Variants in CUBN observed in about 807,000 individuals in gnomAD.
The protein encoded by CUBN is cubilin.
Under a neutral mutation model 405.3 loss-of-function variants are expected in CUBN, and 282 were observed. That is an observed-to-expected ratio of 0.70 (90% CI 0.63 to 0.77). CUBN has a LOEUF of 0.77. Ranked by LOEUF, CUBN falls within the 30% of genes least tolerant of loss-of-function variation. The pLI is 0.00. For missense variants in CUBN, 4,514 were observed against 4,475.2 expected (o/e 1.01, Z -0.25); for synonymous variants, 1,684 against 1,617.0 (o/e 1.04, Z -0.99).
intron 48 of CUBN, among the ~76,000 whole-genome samples, chr10:16,908,864 T>C (rs1458530979): frequency 6.7e-5 from 10 of 149,314 alleles, no homozygotes; most frequent in Non-Finnish European, 1.0e-4. Context: ...CAACAAAAGA[T>C]GTCATCTCTT....
At chr10:16,985,601 C>A (rs1331037589) in intron 29 of CUBN, among the ~76,000 whole-genome samples, 1 of 152,192 alleles carries the variant, frequency 6.6e-6, no homozygotes, top group African/African-American at 2.4e-5. Flanking sequence ...CTGTAGCCTG[C>A]CCATGAGGGC....
At chr10:17,054,025 A>G (rs1835329796) in intron 22 of CUBN, among the ~76,000 whole-genome samples, 1 of 152,072 alleles carries the variant, frequency 6.6e-6, no homozygotes, top group Admixed American at 6.6e-5. Context: ...AAGTTACTGA[A>G]AATAAAACAT....
At chr10:17,001,015 C>T (rs11597761) in intron 28 of CUBN, among the ~76,000 whole-genome samples, 21,452 of 151,984 alleles carry the variant, frequency 0.14, 1,647 homozygotes, top group African/African-American at 0.2. Context: ...CAGATGTGTC[C>T]GGAGTTTCTT....
chr10:17,107,787 G>C (rs971308949), intron 10 of CUBN, among the ~76,000 whole-genome samples: 5 of 151,940 alleles, frequency 3.3e-5, no homozygotes, highest in Admixed American at 3.3e-4. Context: ...GTGAGCCACC[G>C]CGCCTGGCAA....
chr10:17,042,035 A>C (rs1835031879), intron 26 of CUBN, among the ~76,000 whole-genome samples: 2 of 152,152 alleles, frequency 1.3e-5, no homozygotes, highest in Non-Finnish European at 2.9e-5. Context: ...AATAAACATT[A>C]TATGGAATGA....
chr10:16,969,288 T>G (rs978254684), intron 31 of CUBN, among the ~76,000 whole-genome samples: 1 of 152,110 alleles, frequency 6.6e-6, no homozygotes, highest in Non-Finnish European at 1.5e-5. Flanking sequence ...TCAAAAACAT[T>G]GGTGCTTTGG....
rs761519288 is a variant in CUBN at position 17,110,909 on chromosome 10, G to C, written c.1015+10C>G. The C allele has an allele frequency of 6.2e-7, 1 of 1,614,184 alleles. No homozygotes were observed. Among genetic ancestry groups the C allele is most frequent in the Middle Eastern group, 1.7e-4 (1 of 6,060 alleles). Reference sequence around the variant, plus strand: ...GGGGTCAGGAGGTTGACATTGAACCGAGGCAGCACCTGGTGGACAGGCCTG... The same window carrying C: ...GGGGTCAGGAGGTTGACATTGAACCCAGGCAGCACCTGGTGGACAGGCCTG... On this transcript the variant is annotated intron_variant, in intron 9 of 66. Transcript: ENST00000377833.
rs531136610 is a variant in CUBN at position 17,005,930 on chromosome 10, T to C, written c.4168+13903A>G. On this transcript the variant is annotated intron_variant, in intron 28 of 66. Transcript: ENST00000377833. ...GGACTGTAATCCAATCTGACTGGTG[T>C]CCTTATAAGGAGCAAATTTGGACAC... is the stretch of plus-strand genomic sequence containing the variant. Among the ~76,000 whole-genome samples the C allele has an allele frequency of 1.2e-4, 18 of 152,282 alleles. No individual in the cohort carries two copies. The South Asian group carries it at 3.5e-3, about 30-fold the overall frequency.
Position 16,901,909 on chromosome 10 carries a change from A to ACACCATATATAG in CUBN, c.8063-451_8063-450insCTATATATGGTG, listed in dbSNP as rs1365115200. 1.6e-3 allele frequency among the ~76,000 whole-genome samples: 215 copies of ACACCATATATAG among 136,364 alleles called. 7 individuals are homozygous for ACACCATATATAG. In the South Asian group the frequency reaches 0.04, roughly 25 times the overall value. The allele number at this position is 136,364 out of a possible 152,430, so 89.5% of individuals were successfully genotyped here. A position where few individuals can be genotyped will look rare whatever the true frequency, so the allele number is the denominator to read the frequency against. The stretch of plus-strand genomic sequence containing the variant: ...ATATAGTATATATATATATATATAT[A>ACACCATATATAG]TATATATATACACACACACACACAC... On this transcript the variant is annotated intron_variant, in intron 51 of 66. Coordinates refer to ENST00000377833, the MANE Select transcript of CUBN (RefSeq NM_001081.4).
At chr10:16,832,243 A>C (rs11254238) in intron 64 of CUBN, among the ~76,000 whole-genome samples, 16,963 of 152,168 alleles carry the variant, frequency 0.11, 1,076 homozygotes, top group African/African-American at 0.17. Context: ...GTATGTTGGA[A>C]CCAGCCTGAC....
chr10:16,939,125 C>T lies in CUBN; in HGVS notation c.5571G>A (p.Val1857=). 1.2e-6 allele frequency: 2 copies of T among 1,613,622 alleles called. No individual in the cohort carries two copies. The highest frequency in any genetic ancestry group is 1.7e-6 in the Non-Finnish European group (2 of 1,179,694). The change falls in exon 38 of 67, where the codon GTG becomes GTA. Residue 1857 remains valine, a synonymous_variant. Coordinates refer to ENST00000377833, the MANE Select transcript of CUBN (RefSeq NM_001081.4). ...FMKIFGNDNI[V]GTHGKVASPF... ...GAGAGGCGACTTTCCCATGAGTTCC[C>T]ACAATATTATCATTGCCAAATACTA...
Position 17,071,424 on chromosome 10 carries a change from A to C in CUBN, c.2625+2T>G. The C allele has an allele frequency of 6.2e-7, 1 of 1,613,786 alleles. No homozygotes were observed. The highest frequency in any genetic ancestry group is 8.5e-7 in the Non-Finnish European group (1 of 1,179,802). On this transcript the variant is annotated splice_donor_variant, in intron 19 of 66. Transcript: ENST00000377833. LOFTEE classifies it high-confidence loss of function. The stretch of plus-strand genomic sequence containing the variant: ...CAAATTCAAAGATTTTTTCCCTCTT[A>C]CCTCAACATAATCTGTTTCACAGTG...
intron 31 of CUBN, 70 bp downstream of exon 31, chr10:16,982,414 A>C (rs1449002349): frequency 1.6e-5 from 22 of 1,363,410 alleles, no homozygotes; most frequent in African/African-American, 4.2e-5. Flanking sequence ...ACATTCACTA[A>C]ATATGCTTAT....
chr10:17,102,252 CCTAT>C (rs1169137797), intron 13 of CUBN, among the ~76,000 whole-genome samples: 5,720 of 145,062 alleles, frequency 0.039, 193 homozygotes, highest in Middle Eastern at 0.049. Flanking sequence ...GGAGGATCCT[CCTAT>C]TTATTTATTT....
At chr10:16,873,233 A>G (rs972747823) in intron 58 of CUBN, among the ~76,000 whole-genome samples, 3 of 152,182 alleles carry the variant, frequency 2.0e-5, no homozygotes, top group African/African-American at 7.2e-5. Context: ...TATCACTGAA[A>G]TAGGCTGTCA....
At position 17,128,039 on chromosome 10, in the gene CUBN, G is replaced by A; in HGVS notation, c.253-115C>T. The stretch of plus-strand genomic sequence containing the variant: ...ATTCTACTTTAAGCACTAAGATCTT[G>A]CCTATTATTATAAAAACCAAAACAA... On this transcript the variant is annotated intron_variant, in intron 2 of 66. Transcript: ENST00000377833. 4.2e-6 allele frequency: 3 copies of A among 707,400 alleles called. No homozygotes were observed. In the South Asian group the frequency reaches 5.4e-5, roughly 13 times the overall value. The allele number at this position is 707,400 out of a possible 1,614,324, so 43.8% of individuals were successfully genotyped here.
chr10:16,973,264 G>C (rs1016020377), intron 31 of CUBN, among the ~76,000 whole-genome samples: 4 of 151,994 alleles, frequency 2.6e-5, no homozygotes, highest in Admixed American at 1.3e-4. Context: ...ATTTCTACTG[G>C]CGAGACTCTG....
intron 54 of CUBN, among the ~76,000 whole-genome samples, chr10:16,891,939 A>G (rs745795255): frequency 3.9e-5 from 6 of 152,202 alleles, no homozygotes; most frequent in Non-Finnish European, 7.3e-5. Context: ...ATCTCAAACA[A>G]GGATGTAGTT....
intron 28 of CUBN, among the ~76,000 whole-genome samples, chr10:16,991,109 G>T (rs1833574157): frequency 6.6e-6 from 1 of 151,972 alleles, no homozygotes; most frequent in South Asian, 2.1e-4. Flanking sequence ...CAAGGAAAAA[G>T]ACAACAGCAT....
Sources: gnomAD v4.1 joint callset for allele counts (sites outside exome capture counted in the v4.1 genomes callset) on GRCh38, gnomAD v4.1.1 for gene constraint, MANE v1.5 for transcripts, NCBI Gene and HGNC (gene_info 2026-07-23, HGNC 2026-07-21) for gene names.